The following BST1 variants were observed in gnomAD, a reference collection of about 807,000 sequenced individuals.
The protein encoded by BST1 is ADP-ribosyl cyclase/cyclic ADP-ribose hydrolase 2.
A neutral mutation model predicts 40.6 loss-of-function variants in BST1; 49 were observed. The ratio of observed to expected loss-of-function variants is 1.21; its 90% CI spans 0.96 to 1.53. BST1 has a LOEUF of 1.53. BST1 is among the 40% of genes most tolerant of loss of function. BST1 has a pLI of 0.00. For missense variants in BST1, 423 were observed against 395.9 expected, an observed-to-expected ratio of 1.07 and a Z score of -0.58; for synonymous variants, 157 against 159.3, an observed-to-expected ratio of 0.99 and a Z score of 0.11.
chr4:15,709,284 C>G (rs1720053771), intron 3 of BST1, among the ~76,000 whole-genome samples: 1 of 152,142 alleles, frequency 6.6e-6, no homozygotes, highest in Admixed American at 6.6e-5. Flanking sequence ...GATGGGAGAA[C>G]AGCAATTGCA....
chr4:15,733,309 C>T (rs1721453262), downstream of BST1, among the ~76,000 whole-genome samples: 1 of 151,852 alleles, frequency 6.6e-6, no homozygotes, highest in South Asian at 2.1e-4. Context: ...AGAGTGCTGA[C>T]TGGTGTGTTT....
chr4:15,764,507 A>G, the BST1 span, among the ~76,000 whole-genome samples: 1 of 152,110 alleles, frequency 6.6e-6, no homozygotes, highest in African/African-American at 2.4e-5. Context: ...AAATCTTTTG[A>G]GAAAATTTTG....
intron 3 of BST1, among the ~76,000 whole-genome samples, chr4:15,710,989 C>T (rs1183242229): frequency 6.6e-6 from 1 of 152,060 alleles, no homozygotes; most frequent in Non-Finnish European, 1.5e-5. Flanking sequence ...GGGGTTTTAC[C>T]ATGTTGGCTA....
chr4:15,738,323 G>A (rs1721642540), downstream of BST1: 1 of 152,386 alleles, frequency 6.6e-6, no homozygotes, highest in South Asian at 2.1e-4. Context: ...AGCCTAATTT[G>A]AAAAGGAATT....
At chr4:15,743,340 G>A in the BST1 span, 1 of 352,260 alleles carries the variant, frequency 2.8e-6, no homozygotes, top group Non-Finnish European at 5.6e-6. Flanking sequence ...TCTTACAGAT[G>A]CAGAGATCAT....
At chr4:15,727,452 T>A (rs1182470865) in intron 8 of BST1, among the ~76,000 whole-genome samples, 1 of 152,220 alleles carries the variant, frequency 6.6e-6, no homozygotes, top group African/African-American at 2.4e-5. Flanking sequence ...ATCTATTTTT[T>A]AAACATTCTA....
chr4:15,715,239 A>T (rs758226466), intron 4 of BST1, 46 bp from the exon 5 acceptor site: 43 of 1,566,120 alleles, frequency 2.7e-5, no homozygotes, highest in Non-Finnish European at 3.6e-5. Context: ...CATAGCAGAA[A>T]AATGTCACGT....
chr4:15,715,362 G>C lies in BST1; in HGVS notation c.611+1G>C. On this transcript the variant is annotated splice_donor_variant, in intron 5 of 8. Transcript: ENST00000265016. LOFTEE classifies it high-confidence loss of function. Reference sequence around the variant, plus strand: ...CAACAGGAGCCTATCCCATCAAAGGGTAAGAACACCAGCACATTCAAACAC... The same window carrying C: ...CAACAGGAGCCTATCCCATCAAAGGCTAAGAACACCAGCACATTCAAACAC... The C allele has an allele frequency of 3.1e-6, 5 of 1,613,874 alleles. No homozygotes were observed. Among genetic ancestry groups the C allele is most frequent in the Non-Finnish European group, 4.2e-6 (5 of 1,179,794 alleles).
intron 1 of BST1, among the ~76,000 whole-genome samples, chr4:15,704,532 G>T (rs1161618572): frequency 6.7e-6 from 1 of 149,330 alleles, no homozygotes; most frequent in Non-Finnish European, 1.5e-5. Context: ...GTGGTCTATA[G>T]GTGAGGGATG....
exon 7 of BST1, chr4:15,738,209 T>C (rs1721639429): frequency 5.6e-6 from 1 of 177,924 alleles, no homozygotes. Context: ...GGAGGCTATG[T>C]ATGTGTGGGG....
the BST1 span, among the ~76,000 whole-genome samples, chr4:15,766,780 A>G: frequency 9.1e-6 from 1 of 110,174 alleles, no homozygotes; most frequent in African/African-American, 3.6e-5. Context: ...GGAGACAAAG[A>G]CCTCCCTAAA....
At chr4:15,710,932 G>T (rs369147896) in intron 3 of BST1, among the ~76,000 whole-genome samples, 12 of 152,188 alleles carry the variant, frequency 7.9e-5, no homozygotes, top group Middle Eastern at 3.4e-3. Context: ...TGGGACTACA[G>T]ATGCGTGCCA....
At chr4:15,703,718 G>T (rs1037981088) in intron 1 of BST1, among the ~76,000 whole-genome samples, 3 of 142,934 alleles carry the variant, frequency 2.1e-5, no homozygotes, top group African/African-American at 7.9e-5. Context: ...AGAGGTGGGG[G>T]TGTGTGTGTG....
At chr4:15,751,694 T>A in the BST1 span, among the ~76,000 whole-genome samples, 2 of 151,916 alleles carry the variant, frequency 1.3e-5, no homozygotes, top group Non-Finnish European at 2.9e-5. Flanking sequence ...ATCTTATAGA[T>A]ATACATAGAT....
chr4:15,748,634 T>C, the BST1 span, among the ~76,000 whole-genome samples: 1 of 152,184 alleles, frequency 6.6e-6, no homozygotes, highest in Admixed American at 6.5e-5. Context: ...GCTGTGCTTG[T>C]AGGATTTTCG....
At chr4:15,760,513 A>G in the BST1 span, among the ~76,000 whole-genome samples, 1 of 151,922 alleles carries the variant, frequency 6.6e-6, no homozygotes, top group Non-Finnish European at 1.5e-5. Context: ...TTTCTAAAGT[A>G]GCTGAGGGCA....
At chr4:15,727,911 G>A (rs12645693) in intron 8 of BST1, among the ~76,000 whole-genome samples, 13,077 of 151,318 alleles carry the variant, frequency 0.086, 1,188 homozygotes, top group East Asian at 0.53. Flanking sequence ...TTACTGGAGG[G>A]AGTAGAATAT....
chr4:15,722,958 T>C, intron 8 of BST1, 24 bp downstream of exon 8: 3 of 1,608,604 alleles, frequency 1.9e-6, no homozygotes, highest in Non-Finnish European at 2.6e-6. Flanking sequence ...TTAACCCAAA[T>C]CGTTCTTTCC....
chr4:15,761,337 C>A, the BST1 span, among the ~76,000 whole-genome samples: 2 of 151,934 alleles, frequency 1.3e-5, no homozygotes, highest in Non-Finnish European at 2.9e-5. Flanking sequence ...GGGAAAGAGG[C>A]TTTTTTTGCG....
Sources: allele counts gnomAD v4.1 joint callset (sites outside exome capture counted in the v4.1 genomes callset), GRCh38; gene constraint gnomAD v4.1.1; transcripts MANE v1.5; gene names NCBI Gene and HGNC (gene_info 2026-07-23, HGNC 2026-07-21).